CNTN5: variants seen among roughly 807,000 people sequenced by gnomAD.
CNTN5 encodes contactin-5.
CNTN5 carries 77 observed loss-of-function variants against 129.1 expected under a neutral mutation model. The ratio of observed to expected loss-of-function variants is 0.60; its 90% CI spans 0.50 to 0.72. CNTN5 has a LOEUF of 0.72. Among genes scored for constraint, CNTN5 ranks in the 30% least tolerant of loss-of-function variants. CNTN5 has a pLI of 0.00. For synonymous variants in CNTN5, 509 were observed against 465.6 expected (o/e 1.09, Z -1.20); for missense variants, 1,478 against 1,328.8 (o/e 1.11, Z -1.75).
chr11:99,108,411 C>T (rs1412468516), intron 1 of CNTN5, among the ~76,000 whole-genome samples: 1 of 152,044 alleles, frequency 6.6e-6, no homozygotes, highest in Non-Finnish European at 1.5e-5. Flanking sequence ...GGTGTGGATT[C>T]AGGCATTTAG....
In CNTN5 at chr11:100,061,247, G is replaced by C; in HGVS notation, c.1016G>C (p.Gly339Ala). The change falls in exon 10 of 25, where the codon GGT (glycine) becomes GCT (alanine). Residue 339 changes from glycine (G) to alanine (A), a missense_variant. By Grantham distance (60) the Gly-to-Ala change is moderately conservative. Transcript: ENST00000524871. ...ACAATCACATGGATGAAGGTTAATG[G>C]TTATATTCCTAGTAAGGCACGTCTG... ...VPTITWMKVN[G>A]YIPSKARLRK... 1.9e-6 allele frequency: 3 copies of C among 1,613,502 alleles called. No homozygotes were observed. Among genetic ancestry groups the C allele is most frequent in the South Asian group, 1.1e-5 (1 of 91,052 alleles).
At chr11:99,022,190 C>A (rs1386056783) in intron 1 of CNTN5, among the ~76,000 whole-genome samples, 1 of 152,084 alleles carries the variant, frequency 6.6e-6, no homozygotes, top group Non-Finnish European at 1.5e-5. Flanking sequence ...AGGGTCAATA[C>A]TTCTACTTTG....
chr11:100,144,211 GTTTT>G (rs201780316), intron 13 of CNTN5, among the ~76,000 whole-genome samples: 30 of 151,954 alleles, frequency 2.0e-4, no homozygotes, highest in Non-Finnish European at 2.4e-4. Context: ...GGTTAAACAA[GTTTT>G]TTTATTTTAT....
At chr11:99,590,113 C>G (rs927560240) in intron 3 of CNTN5, among the ~76,000 whole-genome samples, 2 of 151,876 alleles carry the variant, frequency 1.3e-5, no homozygotes, top group African/African-American at 2.4e-5. Context: ...GAACAGGCCT[C>G]TATGTAAGCG....
At chr11:99,804,484 T>C (rs1946208611) in intron 3 of CNTN5, among the ~76,000 whole-genome samples, 3 of 151,746 alleles carry the variant, frequency 2.0e-5, no homozygotes, top group African/African-American at 7.2e-5. Context: ...TCAATTCTAT[T>C]AGTTCACCTA....
chr11:99,527,496 G>C (rs1947530540), intron 2 of CNTN5, among the ~76,000 whole-genome samples: 1 of 151,984 alleles, frequency 6.6e-6, no homozygotes, highest in Admixed American at 6.6e-5. Context: ...CTATGCAAAA[G>C]AATGCAGAGA....
intron 3 of CNTN5, among the ~76,000 whole-genome samples, chr11:99,793,503 T>C (rs1462124712): frequency 6.6e-6 from 1 of 152,240 alleles, no homozygotes; most frequent in Non-Finnish European, 1.5e-5. Context: ...GTTGTACTTC[T>C]AGTTCCTCTA....
At chr11:99,316,497 T>C (rs528961389) in intron 1 of CNTN5, among the ~76,000 whole-genome samples, 8 of 152,172 alleles carry the variant, frequency 5.3e-5, no homozygotes, top group South Asian at 4.1e-4. Flanking sequence ...CTGAGACTCA[T>C]AGAGTGATGA....
chr11:99,837,780 G>T (rs564799666), intron 4 of CNTN5, among the ~76,000 whole-genome samples: 2 of 151,702 alleles, frequency 1.3e-5, no homozygotes, highest in South Asian at 4.2e-4. Flanking sequence ...AATAAAGTGG[G>T]CTCTTAGGAA....
At chr11:100,127,685 T>G (rs1373059155) in intron 13 of CNTN5, among the ~76,000 whole-genome samples, 5 of 121,970 alleles carry the variant, frequency 4.1e-5, no homozygotes, top group Non-Finnish European at 8.1e-5. Flanking sequence ...TGAGATGGAG[T>G]CTCTCTCTTG....
At chr11:99,724,539 G>A (rs1396324093) in intron 3 of CNTN5, among the ~76,000 whole-genome samples, 2 of 152,146 alleles carry the variant, frequency 1.3e-5, no homozygotes, top group Non-Finnish European at 2.9e-5. Flanking sequence ...TCAAAATCCT[G>A]TGAGGACAGG....
chr11:99,760,546 G>T (rs1046916053), intron 3 of CNTN5, among the ~76,000 whole-genome samples: 1 of 152,060 alleles, frequency 6.6e-6, no homozygotes, highest in African/African-American at 2.4e-5. Context: ...ATAAAATAAT[G>T]CTATGTTTTT....
chr11:99,335,291 A>G (rs1216884190), intron 2 of CNTN5, among the ~76,000 whole-genome samples: 1 of 152,048 alleles, frequency 6.6e-6, no homozygotes. Flanking sequence ...TTTTAGCCAC[A>G]TCTCTCTTCT....
chr11:99,799,990 C>G (rs1204589538), intron 3 of CNTN5, among the ~76,000 whole-genome samples: 1 of 151,912 alleles, frequency 6.6e-6, no homozygotes, highest in Non-Finnish European at 1.5e-5. Context: ...ATGTGTTTTC[C>G]AGGAATTTAT....
chr11:99,487,731 A>T (rs1591148042), intron 2 of CNTN5, among the ~76,000 whole-genome samples: 1 of 152,174 alleles, frequency 6.6e-6, no homozygotes, highest in African/African-American at 2.4e-5. Flanking sequence ...TTTCTTTTCA[A>T]CCAGGAGACT....
At chr11:100,159,315 A>C (rs769922121) in intron 13 of CNTN5, among the ~76,000 whole-genome samples, 1 of 151,884 alleles carries the variant, frequency 6.6e-6, no homozygotes, top group Non-Finnish European at 1.5e-5. Flanking sequence ...TAATGATTAC[A>C]TAGGTGTTCC....
intron 3 of CNTN5, among the ~76,000 whole-genome samples, chr11:99,624,354 C>A (rs1047860803): frequency 1.3e-5 from 2 of 152,116 alleles, no homozygotes; most frequent in Non-Finnish European, 2.9e-5. Context: ...AGTAGTCTCA[C>A]TGTTGACATT....
At chr11:99,304,089 A>C (rs1864766814) in intron 1 of CNTN5, among the ~76,000 whole-genome samples, 1 of 152,114 alleles carries the variant, frequency 6.6e-6, no homozygotes, top group Admixed American at 6.6e-5. Context: ...GCTAAATGAC[A>C]GTTTTTCTTG....
intron 8 of CNTN5, among the ~76,000 whole-genome samples, chr11:99,974,837 C>T (rs1378569984): frequency 2.0e-5 from 3 of 152,114 alleles, no homozygotes; most frequent in Non-Finnish European, 4.4e-5. Context: ...TTTTCCTTCA[C>T]AGTGTCAGAG....
Sources: allele counts gnomAD v4.1 joint callset (sites outside exome capture counted in the v4.1 genomes callset), GRCh38; gene constraint gnomAD v4.1.1; transcripts MANE v1.5; gene names NCBI Gene and HGNC (gene_info 2026-07-23, HGNC 2026-07-21).